Variants in POU2AF2 observed in about 807,000 individuals in gnomAD.
The protein encoded by POU2AF2 is POU class 2 homeobox associating factor 2.
the POU2AF2 span, among the ~76,000 whole-genome samples, chr11:111,254,223 C>G: frequency 6.6e-6 from 1 of 152,132 alleles, no homozygotes. Context: ...ATCATAAGAT[C>G]AGTAAGCTTT....
the POU2AF2 span, among the ~76,000 whole-genome samples, chr11:111,274,182 A>G: frequency 3.9e-5 from 6 of 152,102 alleles, no homozygotes; most frequent in African/African-American, 9.7e-5. Context: ...TGGAGAAGCA[A>G]GTGGTAGCTC....
chr11:111,251,598 C>A, the POU2AF2 span, among the ~76,000 whole-genome samples: 3 of 152,198 alleles, frequency 2.0e-5, no homozygotes, highest in Non-Finnish European at 4.4e-5. Flanking sequence ...TTTGTTCTTG[C>A]TCACAGATGC....
At chr11:111,253,850 C>T in the POU2AF2 span, among the ~76,000 whole-genome samples, 2 of 152,120 alleles carry the variant, frequency 1.3e-5, no homozygotes, top group Admixed American at 1.3e-4. Context: ...CAGGACTTTG[C>T]CCGTGCTGTC....
chr11:111,270,485 T>A, the POU2AF2 span, among the ~76,000 whole-genome samples: 1 of 152,210 alleles, frequency 6.6e-6, no homozygotes, highest in Non-Finnish European at 1.5e-5. Context: ...CTTTGTAAGA[T>A]AAATCCCCTA....
At chr11:111,264,694 GAGAA>G in the POU2AF2 span, among the ~76,000 whole-genome samples, 37 of 143,308 alleles carry the variant, frequency 2.6e-4, no homozygotes, top group East Asian at 2.3e-3. Context: ...GAGAAAGACA[GAGAA>G]AGAAAGAAAG....
the POU2AF2 span, among the ~76,000 whole-genome samples, chr11:111,269,208 A>AG: frequency 1.3e-5 from 1 of 75,186 alleles, no homozygotes; most frequent in Non-Finnish European, 2.8e-5. Context: ...TTAAAAAGAA[A>AG]AAAAAAATCT....
chr11:111,273,945 A>C, the POU2AF2 span, among the ~76,000 whole-genome samples: 797 of 152,340 alleles, frequency 5.2e-3, 7 homozygotes, highest in African/African-American at 0.018. Context: ...CAAAATAAAA[A>C]TTATATACCA....
chr11:111,264,555 A>G, the POU2AF2 span, among the ~76,000 whole-genome samples: 67 of 71,680 alleles, frequency 9.3e-4, 4 homozygotes, highest in African/African-American at 3.3e-3. Flanking sequence ...AAAGAAAGAA[A>G]GAAAGAAAGA....
the POU2AF2 span, among the ~76,000 whole-genome samples, chr11:111,277,147 T>G: frequency 2.0e-5 from 3 of 152,238 alleles, no homozygotes; most frequent in Non-Finnish European, 2.9e-5. Flanking sequence ...TTTAAGATAT[T>G]GTTTGTAGGT....
chr11:111,269,787 A>T, the POU2AF2 span, among the ~76,000 whole-genome samples: 1 of 152,306 alleles, frequency 6.6e-6, no homozygotes, highest in Admixed American at 6.5e-5. Context: ...AACAGAAATC[A>T]CTTTCTCACA....
At chr11:111,271,400 A>G in the POU2AF2 span, among the ~76,000 whole-genome samples, 4 of 151,502 alleles carry the variant, frequency 2.6e-5, no homozygotes, top group African/African-American at 4.8e-5. Context: ...GGCTCAAAAA[A>G]ACTCTTTTTT....
chr11:111,273,669 G>C, the POU2AF2 span, among the ~76,000 whole-genome samples: 3 of 152,156 alleles, frequency 2.0e-5, no homozygotes, highest in Non-Finnish European at 2.9e-5. Flanking sequence ...ATTTCAATAT[G>C]TCCTTCAACT....
the POU2AF2 span, among the ~76,000 whole-genome samples, chr11:111,276,303 A>G: frequency 1.3e-5 from 2 of 151,606 alleles, no homozygotes; most frequent in African/African-American, 4.8e-5. Flanking sequence ...CTGAAAGACC[A>G]ATAGCAGATA....
chr11:111,283,364 T>C, the POU2AF2 span, among the ~76,000 whole-genome samples: 2 of 152,036 alleles, frequency 1.3e-5, no homozygotes, highest in Non-Finnish European at 2.9e-5. Flanking sequence ...AGGGAAACTT[T>C]ATGTAGCCGG....
chr11:111,264,492 GAAAGA>G, the POU2AF2 span, among the ~76,000 whole-genome samples: 1 of 4,792 alleles, frequency 2.1e-4, no homozygotes, highest in South Asian at 0.022. Flanking sequence ...CAAGACTCAC[GAAAGA>G]AAGAAAGAAA....
the POU2AF2 span, chr11:111,286,022 TG>T: frequency 6.2e-7 from 1 of 1,613,706 alleles, no homozygotes; most frequent in East Asian, 2.2e-5. Context: ...GAGTATTGCC[TG>T]GGGGTCATAT....
the POU2AF2 span, among the ~76,000 whole-genome samples, chr11:111,282,539 G>A: frequency 2.0e-5 from 3 of 152,198 alleles, no homozygotes; most frequent in African/African-American, 7.2e-5. Flanking sequence ...TGAACACAAT[G>A]TTATACTACT....
the POU2AF2 span, among the ~76,000 whole-genome samples, chr11:111,253,431 G>A: frequency 9.9e-5 from 15 of 152,260 alleles, no homozygotes; most frequent in African/African-American, 3.6e-4. Flanking sequence ...TCCACATCAC[G>A]ATGGTTCTGA....
chr11:111,276,214 T>C, the POU2AF2 span, among the ~76,000 whole-genome samples: 1 of 151,298 alleles, frequency 6.6e-6, no homozygotes, highest in Non-Finnish European at 1.5e-5. Flanking sequence ...TAAAATGAGG[T>C]GAACTTGAAG....
Sources: gnomAD v4.1 joint callset for allele counts (sites outside exome capture counted in the v4.1 genomes callset) on GRCh38, gnomAD v4.1.1 for gene constraint, MANE v1.5 for transcripts, NCBI Gene and HGNC (gene_info 2026-07-23, HGNC 2026-07-21) for gene names.